The following KLRG1 variants were observed in gnomAD, a reference collection of about 807,000 sequenced individuals.
KLRG1 encodes the protein killer cell lectin-like receptor subfamily G member 1.
KLRG1 carries 16 observed loss-of-function variants against 21.8 expected under a neutral mutation model. The ratio of observed to expected loss-of-function variants is 0.73; its 90% CI spans 0.50 to 1.11. The LOEUF (loss-of-function observed/expected upper bound fraction) is 1.11, where lower values mean the gene tolerates loss of function less well. Ranked by LOEUF, KLRG1 falls within the 50% of genes most tolerant of loss-of-function variation. The pLI is 0.00. For missense variants in KLRG1, 173 were observed against 218.3 expected (o/e 0.79, Z 1.31); for synonymous variants, 69 against 75.9 (o/e 0.91, Z 0.47).
chr12:9,118,395 C>A, the KLRG1 span, among the ~76,000 whole-genome samples: 5 of 152,194 alleles, frequency 3.3e-5, no homozygotes, highest in Non-Finnish European at 5.9e-5. Flanking sequence ...CAGTTCTGCG[C>A]TTCCCCTTTC....
At chr12:9,027,534 C>T in the KLRG1 span, 1 of 1,147,876 alleles carries the variant, frequency 8.7e-7, no homozygotes. Context: ...TAATTAAAAT[C>T]TTCTGCCACT....
the KLRG1 span, chr12:9,163,666 A>G: frequency 3.1e-6 from 5 of 1,612,716 alleles, no homozygotes; most frequent in African/African-American, 6.7e-5. Flanking sequence ...AAAATATGTT[A>G]CCTCCACCAA....
In KLRG1 at chr12:9,010,022, A is replaced by G. The variant is rs1947597100; in HGVS notation, c.*485A>G. On this transcript the variant is annotated 3_prime_UTR_variant, in exon 5 of 5. Transcript: ENST00000356986. ...AGTGTCCCTTTGCAGATCAAGCTTTATTCTGAAGAATAAACCTAGCTGGCA... is the reference window on the plus strand; with the variant it reads ...AGTGTCCCTTTGCAGATCAAGCTTTGTTCTGAAGAATAAACCTAGCTGGCA... 6.5e-7 allele frequency: 1 copy of G among 1,533,722 alleles called. No homozygotes were observed. The highest frequency in any genetic ancestry group is 2.0e-5 in the Admixed American group (1 of 50,954).
the KLRG1 span, chr12:9,037,179 G>C: frequency 6.4e-6 from 1 of 155,324 alleles, no homozygotes; most frequent in African/African-American, 2.4e-5. Context: ...TGCTCTGCTA[G>C]ATAAAAAGTG....
chr12:9,137,794 T>C, the KLRG1 span, among the ~76,000 whole-genome samples: 3 of 152,114 alleles, frequency 2.0e-5, no homozygotes, highest in Non-Finnish European at 4.4e-5. Context: ...TAAATGGGAT[T>C]GTTGTCTTAA....
At chr12:9,077,930 T>A in the KLRG1 span, 1 of 1,577,740 alleles carries the variant, frequency 6.3e-7, no homozygotes, top group Middle Eastern at 1.7e-4. Flanking sequence ...AGCAACAGGC[T>A]TCATATGATG....
At chr12:9,119,854 C>A in the KLRG1 span, among the ~76,000 whole-genome samples, 1 of 152,160 alleles carries the variant, frequency 6.6e-6, no homozygotes, top group Non-Finnish European at 1.5e-5. Flanking sequence ...AATCGCCTTT[C>A]ACCACGACAG....
chr12:9,139,685 C>A, the KLRG1 span, among the ~76,000 whole-genome samples: 1 of 152,026 alleles, frequency 6.6e-6, no homozygotes, highest in East Asian at 1.9e-4. Flanking sequence ...TAAAATTTCC[C>A]TTTTGGTCTC....
chr12:9,098,621 G>T, the KLRG1 span: 1 of 1,605,056 alleles, frequency 6.2e-7, no homozygotes, highest in Non-Finnish European at 8.5e-7. Flanking sequence ...GACGCCGAGA[G>T]CTCAGCATCA....
downstream of KLRG1, among the ~76,000 whole-genome samples, chr12:9,012,094 G>C (rs756529850): frequency 5.3e-5 from 8 of 152,206 alleles, no homozygotes; most frequent in Non-Finnish European, 8.8e-5. Flanking sequence ...GCTAGGCTCA[G>C]AGCCAGTGGA....
chr12:9,050,994 G>A, the KLRG1 span, among the ~76,000 whole-genome samples: 1 of 152,182 alleles, frequency 6.6e-6, no homozygotes, highest in African/African-American at 2.4e-5. Context: ...CCCCCAGTAA[G>A]GCCCCACCTT....
At chr12:9,158,751 T>C in the KLRG1 span, among the ~76,000 whole-genome samples, 1 of 81,688 alleles carries the variant, frequency 1.2e-5, no homozygotes, top group Non-Finnish European at 2.4e-5. Context: ...TTTTTTCTTT[T>C]CTTTTCTTTT....
chr12:9,214,883 C>G, the KLRG1 span, among the ~76,000 whole-genome samples: 155 of 151,900 alleles, frequency 1.0e-3, no homozygotes, highest in Non-Finnish European at 2.0e-3. Context: ...TTGCTTTTGC[C>G]TTCCAAAAAT....
At chr12:9,066,542 C>T in the KLRG1 span, 2 of 152,364 alleles carry the variant, frequency 1.3e-5, no homozygotes, top group African/African-American at 4.8e-5. Context: ...TCTCAATCTC[C>T]CTTGGATCCG....
chr12:9,040,430 G>A, the KLRG1 span, among the ~76,000 whole-genome samples: 1 of 152,100 alleles, frequency 6.6e-6, no homozygotes, highest in Non-Finnish European at 1.5e-5. Context: ...ACCATTTGAT[G>A]GTTTGGATCT....
the KLRG1 span, among the ~76,000 whole-genome samples, chr12:9,214,901 T>TA: frequency 1.3e-5 from 2 of 151,572 alleles, no homozygotes; most frequent in East Asian, 1.9e-4. Context: ...AATAGAATCT[T>TA]AAAAAAAAAT....
chr12:9,049,254 C>T, the KLRG1 span, among the ~76,000 whole-genome samples: 2 of 152,062 alleles, frequency 1.3e-5, no homozygotes, highest in Non-Finnish European at 1.5e-5. Context: ...GATTCCTATC[C>T]TCTGGGCCCA....
At chr12:9,169,606 G>C in the KLRG1 span, 1 of 1,576,286 alleles carries the variant, frequency 6.3e-7, no homozygotes, top group Non-Finnish European at 8.6e-7. Context: ...AGCAGTGGGG[G>C]GATCAAAGGC....
chr12:9,164,192 T>C, the KLRG1 span: 32 of 1,609,012 alleles, frequency 2.0e-5, no homozygotes, highest in Non-Finnish European at 2.6e-5. Context: ...ACAGATACAA[T>C]AGGATTCTTC....
Sources: gnomAD v4.1 joint callset for allele counts (sites outside exome capture counted in the v4.1 genomes callset) on GRCh38, gnomAD v4.1.1 for gene constraint, MANE v1.5 for transcripts, NCBI Gene and HGNC (gene_info 2026-07-23, HGNC 2026-07-21) for gene names.